GPAA1: variants seen among roughly 807,000 people sequenced by gnomAD.
The protein encoded by GPAA1 is glycosylphosphatidylinositol anchor attachment 1.
Under a neutral mutation model 64.0 loss-of-function variants are expected in GPAA1, and 54 were observed. That is an observed-to-expected ratio of 0.84 (90% CI 0.68 to 1.06). The LOEUF (loss-of-function observed/expected upper bound fraction) is 1.06, where lower values mean the gene tolerates loss of function less well. Ranked by LOEUF, GPAA1 falls within the 50% of genes least tolerant of loss-of-function variation. The pLI, the probability that GPAA1 is intolerant of heterozygous loss-of-function variation, is 0.00. For synonymous variants in GPAA1, 393 were observed against 377.3 expected (o/e 1.04, Z -0.48); for missense variants, 780 against 822.3 (o/e 0.95, Z 0.63).
rs1290760006 is a variant in GPAA1 at position 144,083,515 on chromosome 8, G to A, written c.366+15G>A. 6.3e-7 allele frequency: 1 copy of A among 1,585,532 alleles called. No individual in the cohort carries two copies. Among genetic ancestry groups the A allele is most frequent in the East Asian group, 2.2e-5 (1 of 44,770 alleles). ...ACGAGCGCTATGTACTGGGGGAGTG[G>A]GGTGTGCCTGGGCCCAGAAAGCACC... On this transcript the variant is annotated intron_variant, in intron 3 of 11. Transcript: ENST00000355091.
chr8:144,082,778 A>C lies in GPAA1; in HGVS notation c.48A>C (p.Leu16=). The stretch of plus-strand genomic sequence containing the variant: ...TTCGCCGGCGCGCGCTCGCCCGCCT[A>C]GTGCTGCGCCTCAACGCGCCGTTGT... ...DPVRRRALAR[L]VLRLNAPLCV... is the part of the protein sequence containing the mutation. The change falls in exon 1 of 12, where the codon CTA becomes CTC. Residue 16 remains leucine, a synonymous_variant. Coordinates refer to ENST00000355091, the MANE Select transcript of GPAA1 (RefSeq NM_003801.4). The C allele has an allele frequency of 6.8e-7, 1 of 1,465,910 alleles. No individual in the cohort carries two copies. Among genetic ancestry groups the C allele is most frequent in the Non-Finnish European group, 9.0e-7 (1 of 1,115,208 alleles). 90.8% of individuals were successfully genotyped at this position (1,465,910 alleles called of 1,614,324 possible).
At chr8:144,085,240 G>A (rs782590015) in intron 9 of GPAA1, 49 bp from the exon 10 acceptor site, 4 of 1,530,084 alleles carry the variant, frequency 2.6e-6, no homozygotes, top group Non-Finnish European at 2.7e-6. Context: ...TGGTCTTTGG[G>A]GATCCCCTGG....
At position 144,084,608 on chromosome 8, in the gene GPAA1, A is replaced by G; in HGVS notation, c.1009A>G (p.Lys337Glu). 6.2e-7 allele frequency: 1 copy of G among 1,610,142 alleles called. No homozygotes were observed. Among genetic ancestry groups the G allele is most frequent in the Non-Finnish European group, 8.5e-7 (1 of 1,176,874 alleles). The change falls in exon 7 of 12, where the codon AAG (lysine) becomes GAG (glutamate). Residue 337 changes from lysine (K) to glutamate (E), a missense_variant and splice_region_variant. By Grantham distance (56) the Lys-to-Glu change is moderately conservative. Transcript: ENST00000355091. ...QYKYDLVAVG[K>E]ALEGMFRKLN... is the part of the protein sequence containing the mutation. ...CAAGTATGACCTGGTGGCAGTGGGC[A>G]AGTAAGTAGTCTCTGGTCCCCCCTT...
At chr8:144,083,010 C>G in intron 1 of GPAA1, 114 bp from the exon 2 acceptor site, 4 of 1,026,110 alleles carry the variant, frequency 3.9e-6, no homozygotes, top group Non-Finnish European at 5.6e-6. Context: ...ATGCAGGACT[C>G]CGGGTTTAGG....
Position 144,086,044 on chromosome 8 carries a change from C to T in GPAA1, c.1785C>T (p.Tyr595=), listed in dbSNP as rs782295766. 14 of 1,612,830 alleles carry T rather than the reference C, an allele frequency of 8.7e-6. No individual in the cohort carries two copies. The African/African-American group carries it at 9.3e-5, about 11-fold the overall frequency. ...AGGGTGTGCTGGAGCACCACACCTA[C>T]GGCGCCCTGCTCTTCCCACTGCTGT... The part of the protein sequence containing the change: ...LAQGVLEHHT[Y]GALLFPLLSL... Residue 595 remains tyrosine, a synonymous_variant, in exon 12 of 12, where the codon TAC becomes TAT. Coordinates refer to ENST00000355091, the MANE Select transcript of GPAA1 (RefSeq NM_003801.4).
At position 144,083,812 on chromosome 8, in the gene GPAA1, C is replaced by T. The variant is rs1554763905; in HGVS notation, c.465C>T (p.Thr155=). Residue 155 remains threonine (T), a synonymous_variant, in exon 4 of 12, where the codon ACC becomes ACT. Coordinates refer to ENST00000355091, the MANE Select transcript of GPAA1 (RefSeq NM_003801.4). ...CCGTGCCCTGTGGCTCTGACTCTAC[C>T]AACAGCCAGGCTGTGGGGCTGCTGC... ...VLTVPCGSDS[T]NSQAVGLLLA... is the part of the protein sequence containing the mutation. 1 of 1,610,600 alleles carries T rather than the reference C, an allele frequency of 6.2e-7. No individual in the cohort carries two copies. Among genetic ancestry groups the T allele is most frequent in the Non-Finnish European group, 8.5e-7 (1 of 1,180,000 alleles).
chr8:144,084,059 C>T lies in GPAA1; in HGVS notation c.616+19C>T, dbSNP rs1554763959. Reference sequence around the variant, plus strand: ...GTCACTGGTAGGTTCTCTTGTCCTGCCTGCCCTGGTCCCCCTCTCAGGGTC... The same window carrying T: ...GTCACTGGTAGGTTCTCTTGTCCTGTCTGCCCTGGTCCCCCTCTCAGGGTC... On this transcript the variant is annotated intron_variant, in intron 5 of 11. Coordinates refer to ENST00000355091, the MANE Select transcript of GPAA1 (RefSeq NM_003801.4). 2 of 1,608,846 alleles carry T rather than the reference C, an allele frequency of 1.2e-6. No individual in the cohort carries two copies. The highest frequency in any genetic ancestry group is 1.7e-5 in the Admixed American group (1 of 60,000).
chr8:144,083,510 G>A lies in GPAA1; in HGVS notation c.366+10G>A. 1.3e-6 allele frequency: 2 copies of A among 1,595,312 alleles called. No individual in the cohort carries two copies. The highest frequency in any genetic ancestry group is 2.2e-5 in the South Asian group (2 of 90,750). On this transcript the variant is annotated intron_variant, in intron 3 of 11. Transcript: ENST00000355091. ...GACCCACGAGCGCTATGTACTGGGG[G>A]AGTGGGGTGTGCCTGGGCCCAGAAA...
Position 144,084,246 on chromosome 8 carries a change from C to G in GPAA1, c.729C>G (p.Asn243Lys), listed in dbSNP as rs1177024818. The G allele has an allele frequency of 2.5e-6, 4 of 1,613,698 alleles. No individual in the cohort carries two copies. The African/African-American group carries it at 4.0e-5, about 16-fold the overall frequency. The change falls in exon 6 of 12, where the codon AAC (asparagine) becomes AAG (lysine). Residue 243 changes from asparagine to lysine, a missense_variant. Transcript: ENST00000355091. The stretch of plus-strand genomic sequence containing the variant: ...TCGATGTGGCCGTGGAGGGGCTTAA[C>G]GGGCAGCTGCCCAACCTTGACCTGC... ...TSLDVAVEGL[N>K]GQLPNLDLLN...
rs1411708929 is a variant in GPAA1 at position 144,085,801 on chromosome 8, C to T, written c.1622+58C>T. 9 of 1,601,390 alleles carry T rather than the reference C, an allele frequency of 5.6e-6. No individual in the cohort carries two copies. The South Asian group carries it at 7.7e-5, about 14-fold the overall frequency. Reference sequence around the variant, plus strand: ...CCTGTGCCCTCATCACAGACCGCACCCTCATTCAGTAGCCCTTTCCCCCAA... The same window carrying T: ...CCTGTGCCCTCATCACAGACCGCACTCTCATTCAGTAGCCCTTTCCCCCAA... On this transcript the variant is annotated intron_variant, in intron 11 of 11. Transcript: ENST00000355091.
Position 144,083,201 on chromosome 8 carries a change from C to T in GPAA1, c.152C>T (p.Ser51Leu), listed in dbSNP as rs1554763770. ...CCGCTGACCCAGCGCACTTACATGT[C>T]GGAGAACGCCATGGGCTCCACCATG... is the stretch of plus-strand genomic sequence containing the variant. ...FPPLTQRTYM[S>L]ENAMGSTMVE... Residue 51 changes from serine (S) to leucine (L), a missense_variant, in exon 2 of 12, where the codon TCG (serine) becomes TTG (leucine). Coordinates refer to ENST00000355091, the MANE Select transcript of GPAA1 (RefSeq NM_003801.4). 1.9e-6 allele frequency: 3 copies of T among 1,612,964 alleles called. No homozygotes were observed. The highest frequency in any genetic ancestry group is 2.2e-5 in the East Asian group (1 of 44,862).
In GPAA1 at chr8:144,082,666, C is replaced by T. The variant is rs1036627766; in HGVS notation, c.-65C>T. On this transcript the variant is annotated 5_prime_UTR_variant, in exon 1 of 12. Coordinates refer to ENST00000355091, the MANE Select transcript of GPAA1 (RefSeq NM_003801.4). ...GGTCCCCGGGTCTGACAGGAGCAGC[C>T]TGTGGGCACCGCGGCGGTAGTTGGA... The T allele has an allele frequency of 4.0e-6, 5 of 1,248,544 alleles. No individual in the cohort carries two copies. In the African/African-American group the frequency reaches 4.7e-5, roughly 12 times the overall value. 77.3% of individuals were successfully genotyped at this position (1,248,544 alleles called of 1,614,324 possible). A position where few individuals can be genotyped will look rare whatever the true frequency, so the allele number is the denominator to read the frequency against.
rs782466856 is a variant in GPAA1, at chr8:144,083,170, T to G, written c.121T>G (p.Phe41Val). The G allele has an allele frequency of 6.2e-7, 1 of 1,612,840 alleles. No homozygotes were observed. The highest frequency in any genetic ancestry group is 2.2e-5 in the East Asian group (1 of 44,862). ...AGIAWFLALVFPPLTQRTYMS... is the reference protein window; with the variant it reads ...AGIAWFLALVVPPLTQRTYMS... ...CATCGCCTGGTTCTTGGCGCTGGTT[T>G]TCCCGCCGCTGACCCAGCGCACTTA... Residue 41 changes from phenylalanine (F) to valine (V), a missense_variant, in exon 2 of 12, where the codon TTC becomes GTC. Transcript: ENST00000355091.
Position 144,086,056 on chromosome 8 carries a change from C to T in GPAA1, c.1797C>T (p.Leu599=). Residue 599 remains leucine (L), a synonymous_variant, in exon 12 of 12, where the codon CTC becomes CTT. Coordinates refer to ENST00000355091, the MANE Select transcript of GPAA1 (RefSeq NM_003801.4). Reference sequence around the variant, plus strand: ...AGCACCACACCTACGGCGCCCTGCTCTTCCCACTGCTGTCCCTGGGCCTCT... The same window carrying T: ...AGCACCACACCTACGGCGCCCTGCTTTTCCCACTGCTGTCCCTGGGCCTCT... The part of the protein sequence containing the change: ...VLEHHTYGAL[L]FPLLSLGLYP... 6.2e-7 allele frequency: 1 copy of T among 1,613,340 alleles called. No individual in the cohort carries two copies. Among genetic ancestry groups the T allele is most frequent in the Non-Finnish European group, 8.5e-7 (1 of 1,179,906 alleles).
intron 3 of GPAA1, 38 bp downstream of exon 3, chr8:144,083,538 A>G (rs1554763851): frequency 6.5e-7 from 1 of 1,528,998 alleles, no homozygotes; most frequent in Admixed American, 1.7e-5. Context: ...CCCAGAAAGC[A>G]CCTTGGAGGG....
chr8:144,084,917 G>A, intron 8 of GPAA1, 42 bp downstream of exon 8: 1 of 1,608,134 alleles, frequency 6.2e-7, no homozygotes, highest in Non-Finnish European at 8.5e-7. Flanking sequence ...CCAGCCTCCA[G>A]TCTCCTCAAC....
chr8:144,085,214 G>T (rs1835977391), intron 9 of GPAA1, 75 bp from the exon 10 acceptor site: 1 of 1,481,854 alleles, frequency 6.7e-7, no homozygotes, highest in South Asian at 1.3e-5. Context: ...CTTAGCCTCA[G>T]CTGGTGGGAT....
At position 144,084,841 on chromosome 8, in the gene GPAA1, C is replaced by T. The variant is rs1554764118; in HGVS notation, c.1130C>T (p.Ala377Val). The change falls in exon 8 of 12, where the codon GCT becomes GTT. Residue 377 changes from alanine to valine, a missense_variant. By Grantham distance (64) the Ala-to-Val change is moderately conservative (BLOSUM62 0). Coordinates refer to ENST00000355091, the MANE Select transcript of GPAA1 (RefSeq NM_003801.4). ...GTCTCCATCGGCCTCTACATGCCCG[C>T]TGTCGGCTTCTTGCTCCTGGTCCTT... ...RFVSIGLYMP[A>V]VGFLLLVLGL... The T allele has an allele frequency of 4.3e-6, 7 of 1,613,696 alleles. No homozygotes were observed. Among genetic ancestry groups the T allele is most frequent in the Non-Finnish European group, 5.9e-6 (7 of 1,180,024 alleles).
Position 144,082,792 on chromosome 8 carries a change from A to G in GPAA1, c.62A>G (p.Asn21Ser), listed in dbSNP as rs1176305748. The G allele has an allele frequency of 6.1e-6, 9 of 1,464,998 alleles. No homozygotes were observed. Among genetic ancestry groups the G allele is most frequent in the East Asian group, 3.0e-5 (1 of 33,388 alleles). The allele number at this position is 1,464,998 out of a possible 1,614,324, so 90.7% of individuals were successfully genotyped here. The stretch of plus-strand genomic sequence containing the variant: ...CTCGCCCGCCTAGTGCTGCGCCTCA[A>G]CGCGCCGTTGTGGTGAGGACAGGGC... ...RALARLVLRL[N>S]APLCVLSYVA... Residue 21 changes from asparagine (N) to serine (S), a missense_variant, in exon 1 of 12, where the codon AAC becomes AGC. By Grantham distance (46) the Asn-to-Ser change is conservative (BLOSUM62 1). Coordinates refer to ENST00000355091, the MANE Select transcript of GPAA1 (RefSeq NM_003801.4).
Sources: allele counts gnomAD v4.1 joint callset, GRCh38; gene constraint gnomAD v4.1.1; transcripts MANE v1.5; gene names NCBI Gene and HGNC (gene_info 2026-07-23, HGNC 2026-07-21).